HERC1: variants seen among roughly 807,000 people sequenced by gnomAD.
HERC1 encodes HECT and RLD domain containing E3 ubiquitin protein ligase family member 1.
Under a neutral mutation model 554.3 loss-of-function variants are expected in HERC1, and 160 were observed. The ratio of observed to expected loss-of-function variants is 0.29; its 90% CI spans 0.25 to 0.33. The LOEUF is 0.33. Ranked by LOEUF, HERC1 falls within the 10% of genes least tolerant of loss-of-function variation. The pLI is 1.00. For synonymous variants in HERC1, 2,175 were observed against 2,131.7 expected (o/e 1.02, Z -0.56); for missense variants, 4,919 against 5,918.5 (o/e 0.83, Z 5.54).
chr15:63,787,960 C>CAAAAA (rs375499946), intron 1 of HERC1, among the ~76,000 whole-genome samples: 2 of 45,652 alleles, frequency 4.4e-5, no homozygotes, highest in African/African-American at 1.7e-4. Flanking sequence ...GACCCTGTCT[C>CAAAAA]AAAAAAAAAA....
At position 63,758,188 on chromosome 15, in the gene HERC1, G is replaced by A; in HGVS notation, c.1208C>T (p.Ser403Phe). ...ILQPKLAPSF[S>F]DAQTIEAGQY... The stretch of plus-strand genomic sequence containing the variant: ...TAGAAAACTTACGGTCTGTGCATCA[G>A]AGAAACTAGGAGCCAGTTTGGGTTG... Residue 403 changes from serine (S) to phenylalanine (F), a missense_variant, in exon 4 of 78, where the codon TCT (serine) becomes TTT (phenylalanine). Transcript: ENST00000443617. This position sits in a 1 kb window ranked among gnomAD's most constrained non-coding sequence, Gnocchi z 4.0. 6.2e-7 allele frequency: 1 copy of A among 1,609,454 alleles called. No individual in the cohort carries two copies. Among genetic ancestry groups the A allele is most frequent in the Non-Finnish European group, 8.5e-7 (1 of 1,176,082 alleles).
rs1475134003 is a variant in HERC1 at position 63,718,636 on chromosome 15, G to A, written c.3916C>T (p.Arg1306Cys). The change falls in exon 21 of 78, where the codon CGT (arginine) becomes TGT (cysteine). Residue 1306 changes from arginine to cysteine, a missense_variant. Around this residue, in one of 11 missense-constraint regions of HERC1, gnomAD observed 1,121 missense variants for 1,244.0 expected, o/e 0.90. Coordinates refer to ENST00000443617, the MANE Select transcript of HERC1 (RefSeq NM_003922.4). This position sits in a 1 kb window ranked among gnomAD's most constrained non-coding sequence, Gnocchi z 4.2. The stretch of plus-strand genomic sequence containing the variant: ...TCAAGGTTCTTGCAAGCAAGTAAAC[G>A]ACTTCGAACTTTGTATACACAACGG... Reference protein sequence around the residue: ...VYRCVYKVRSRLLACKNLELI... With the variant: ...VYRCVYKVRSCLLACKNLELI... 5.0e-6 allele frequency: 8 copies of A among 1,593,858 alleles called. No individual in the cohort carries two copies. Among genetic ancestry groups the A allele is most frequent in the Non-Finnish European group, 6.0e-6 (7 of 1,168,406 alleles).
intron 32 of HERC1, among the ~76,000 whole-genome samples, chr15:63,689,937 G>C (rs2072009424): frequency 6.6e-6 from 1 of 152,090 alleles, no homozygotes; most frequent in Non-Finnish European, 1.5e-5. Flanking sequence ...GCTGAGGCGG[G>C]TGGATTGCCT....
chr15:63,625,898 G>A (rs1384110015), intron 71 of HERC1, 87 bp downstream of exon 71: 1 of 1,384,820 alleles, frequency 7.2e-7, no homozygotes, highest in African/African-American at 1.4e-5. Flanking sequence ...AAGGCAGAGG[G>A]AAAGGCCCTG....
At chr15:63,779,235 G>GA (rs1388680304) in intron 1 of HERC1, among the ~76,000 whole-genome samples, 1 of 151,890 alleles carries the variant, frequency 6.6e-6, no homozygotes, top group Non-Finnish European at 1.5e-5. Context: ...TTCTAAAATA[G>GA]AAAAAATATC....
In HERC1 at chr15:63,673,295, T is replaced by A. The variant is rs1236355598; in HGVS notation, c.7847-601A>T. Among the ~76,000 whole-genome samples, 13 of 152,322 alleles carry A rather than the reference T, an allele frequency of 8.5e-5. No homozygotes were observed. The East Asian group carries it at 2.3e-3, about 27-fold the overall frequency. On this transcript the variant is annotated intron_variant, in intron 38 of 77. Coordinates refer to ENST00000443617, the MANE Select transcript of HERC1 (RefSeq NM_003922.4). ...TTGCTACAAAGACAAGTAATTCTATTAGGTTTGATAAAAAGCCACATTACT... is the reference window on the plus strand; with the variant it reads ...TTGCTACAAAGACAAGTAATTCTATAAGGTTTGATAAAAAGCCACATTACT...
At chr15:63,705,016 G>A (rs915241777) in intron 25 of HERC1, among the ~76,000 whole-genome samples, 1 of 151,968 alleles carries the variant, frequency 6.6e-6, no homozygotes, top group Non-Finnish European at 1.5e-5. Flanking sequence ...GGGATTACAG[G>A]CATGAGCCAC....
At position 63,775,478 on chromosome 15, in the gene HERC1, G is replaced by C. The variant is rs1471953644; in HGVS notation, c.146C>G (p.Pro49Arg). Reference sequence around the variant, plus strand: ...GAGGCATAAAACTTGTTGGGGCAAAGGTACTACTTCCTTATTGCTAACCAG... The same window carrying C: ...GAGGCATAAAACTTGTTGGGGCAAACGTACTACTTCCTTATTGCTAACCAG... ...SKLVSNKEVV[P>R]LPQQVLCLKG... Residue 49 changes from proline to arginine, a missense_variant, in exon 2 of 78, where the codon CCT becomes CGT. Coordinates refer to ENST00000443617, the MANE Select transcript of HERC1 (RefSeq NM_003922.4). The surrounding 1 kb of genome is among the most constrained non-coding windows in gnomAD (Gnocchi z 4.0). 1 of 1,613,894 alleles carries C rather than the reference G, an allele frequency of 6.2e-7. No homozygotes were observed. Among genetic ancestry groups the C allele is most frequent in the Non-Finnish European group, 8.5e-7 (1 of 1,179,900 alleles).
chr15:63,737,528 T>TAC (rs2074590885), intron 12 of HERC1, among the ~76,000 whole-genome samples: 1 of 117,736 alleles, frequency 8.5e-6, no homozygotes, highest in East Asian at 2.2e-4. Flanking sequence ...TATATATATA[T>TAC]ATATATATAT....
intron 27 of HERC1, among the ~76,000 whole-genome samples, chr15:63,695,360 G>A (rs1288425552): frequency 6.7e-6 from 1 of 148,176 alleles, no homozygotes; most frequent in African/African-American, 2.5e-5. Context: ...TTAAATGCTT[G>A]ATAATTGTTG....
At chr15:63,614,916 A>C (rs949309547) in intron 76 of HERC1, among the ~76,000 whole-genome samples, 1 of 152,256 alleles carries the variant, frequency 6.6e-6, no homozygotes, top group African/African-American at 2.4e-5. Context: ...ACATAGAAGT[A>C]TGTGATATAT....
intron 1 of HERC1, among the ~76,000 whole-genome samples, chr15:63,829,692 T>G (rs887775813): frequency 6.6e-6 from 1 of 150,636 alleles, no homozygotes; most frequent in Admixed American, 6.7e-5. Context: ...TTTTAAATAC[T>G]ATTCTCCAAT....
At chr15:63,651,768 G>A (rs1219241194) in intron 52 of HERC1, among the ~76,000 whole-genome samples, 5 of 152,220 alleles carry the variant, frequency 3.3e-5, no homozygotes, top group Non-Finnish European at 7.3e-5. Flanking sequence ...GCTGGGCGTA[G>A]TGGCTCACAT....
chr15:63,624,047 T>C lies in HERC1; in HGVS notation c.13445+111A>G. On this transcript the variant is annotated intron_variant, in intron 72 of 77. Coordinates refer to ENST00000443617, the MANE Select transcript of HERC1 (RefSeq NM_003922.4). ...CACCAGGTACTAATGTAAGTACTAT[T>C]ACTATCTACCCTGCCTTAGAAGTGA... The C allele has an allele frequency of 4.8e-6, 6 of 1,257,328 alleles. No homozygotes were observed. The South Asian group carries it at 8.3e-5, about 17-fold the overall frequency. The allele number at this position is 1,257,328 out of a possible 1,614,324, so 77.9% of individuals were successfully genotyped here.
intron 1 of HERC1, among the ~76,000 whole-genome samples, chr15:63,797,485 G>A (rs962405303): frequency 1.3e-5 from 2 of 152,162 alleles, no homozygotes; most frequent in Non-Finnish European, 2.9e-5. Context: ...GTGGCCCTAT[G>A]CAGAGGCAGA....
chr15:63,617,670 G>C (rs895286901), intron 74 of HERC1, among the ~76,000 whole-genome samples: 1 of 152,176 alleles, frequency 6.6e-6, no homozygotes, highest in Non-Finnish European at 1.5e-5. Flanking sequence ...TCCAGCACCT[G>C]TTGTTTCCTG....
chr15:63,787,788 AC>A (rs1023615196), intron 1 of HERC1, among the ~76,000 whole-genome samples: 14 of 151,742 alleles, frequency 9.2e-5, no homozygotes, highest in Non-Finnish European at 1.8e-4. Flanking sequence ...ATATGGCAAA[AC>A]CCCGACTCTA....
intron 1 of HERC1, among the ~76,000 whole-genome samples, chr15:63,789,176 C>T (rs554819994): frequency 2.1e-5 from 3 of 143,142 alleles, no homozygotes; most frequent in East Asian, 2.2e-4. Context: ...CTGCAAGCTC[C>T]GCCTCCCGGG....
rs374359281 is a variant in HERC1, at chr15:63,615,760, C to T, written c.14094+8G>A. Reference sequence around the variant, plus strand: ...TTCATGTGTACCTCCCGAGATGTTTCATCTCACCTGTCTGTCCATCTCATG... The same window carrying T: ...TTCATGTGTACCTCCCGAGATGTTTTATCTCACCTGTCTGTCCATCTCATG... On this transcript the variant is annotated splice_region_variant and intron_variant, in intron 76 of 77. Transcript: ENST00000443617. The T allele has an allele frequency of 3.6e-4, 560 of 1,574,774 alleles. No individual in the cohort carries two copies. The highest frequency in any genetic ancestry group is 4.6e-4 in the Non-Finnish European group (541 of 1,164,586).
Sources: allele counts gnomAD v4.1 joint callset (sites outside exome capture counted in the v4.1 genomes callset), GRCh38; gene constraint gnomAD v4.1.1; regional missense constraint gnomAD v4.1.1; non-coding constraint Gnocchi (gnomAD v3.1); transcripts MANE v1.5; gene names NCBI Gene and HGNC (gene_info 2026-07-23, HGNC 2026-07-21).